Variants in IGF1R observed in about 807,000 individuals in gnomAD.
IGF1R encodes insulin like growth factor 1 receptor.
In IGF1R, 44 loss-of-function variants were observed where a neutral mutation model predicts 144.6. That is an observed-to-expected ratio of 0.30 (90% CI 0.24 to 0.39). The LOEUF is 0.39. IGF1R is among the 10% of genes least tolerant of loss of function. IGF1R has a pLI of 1.00. For synonymous variants in IGF1R, 795 were observed against 722.8 expected (o/e 1.10, Z -1.60); for missense variants, 1,355 against 1,833.7 (o/e 0.74, Z 4.77).
chr15:98,692,211 G>A (rs1384508599), intron 1 of IGF1R, among the ~76,000 whole-genome samples: 1 of 152,114 alleles, frequency 6.6e-6, no homozygotes, highest in Non-Finnish European at 1.5e-5. Flanking sequence ...GGTGGTGCTT[G>A]CTTTTGGTCC....
intron 2 of IGF1R, among the ~76,000 whole-genome samples, chr15:98,731,367 T>C (rs573492386): frequency 6.6e-6 from 1 of 152,334 alleles, no homozygotes; most frequent in East Asian, 1.9e-4. Flanking sequence ...CATCTATCCA[T>C]GTAATTATTA....
At chr15:98,837,860 A>C (rs750558016) in intron 2 of IGF1R, among the ~76,000 whole-genome samples, 1 of 152,162 alleles carries the variant, frequency 6.6e-6, no homozygotes, top group African/African-American at 2.4e-5. Context: ...CTTTCAAAGA[A>C]TGGAGATATC....
rs139761088 is a variant in IGF1R at position 98,930,560 on chromosome 15, G to A, written c.2956+255G>A. Among the ~76,000 whole-genome samples, 121 of 152,228 alleles carry A rather than the reference G, an allele frequency of 7.9e-4. 1 individual carries two copies. Among genetic ancestry groups the A allele is most frequent in the Admixed American group, 1.4e-3 (22 of 15,298 alleles). On this transcript the variant is annotated intron_variant, in intron 15 of 20. Coordinates refer to ENST00000650285, the MANE Select transcript of IGF1R (RefSeq NM_000875.5). ...AACACAGGCTTTAGAGATGAATGTG[G>A]CCAGCGCAGTAATCAATTTATTTAA... is the stretch of plus-strand genomic sequence containing the variant.
intron 2 of IGF1R, among the ~76,000 whole-genome samples, chr15:98,796,726 T>C (rs2056250979): frequency 6.6e-6 from 1 of 152,228 alleles, no homozygotes; most frequent in Admixed American, 6.5e-5. Flanking sequence ...TGTATTCTTA[T>C]ACATACACAC....
chr15:98,755,718 CAAAAAAAAAAAAAAAAAAAAAAA>C (rs56121011), intron 2 of IGF1R, among the ~76,000 whole-genome samples: 3 of 34,472 alleles, frequency 8.7e-5, no homozygotes, highest in South Asian at 1.5e-3. Context: ...AACTCCATTG[CAAAAAAAAAAAAAAAAAAAAAAA>C]AAAAAAAAAA....
At chr15:98,819,664 C>T (rs553057476) in intron 2 of IGF1R, among the ~76,000 whole-genome samples, 102 of 152,144 alleles carry the variant, frequency 6.7e-4, no homozygotes, top group Admixed American at 4.7e-3. Context: ...AATAAGCTTT[C>T]GTTTATGTGG....
chr15:98,781,126 TAAAG>T (rs773435018), intron 2 of IGF1R, among the ~76,000 whole-genome samples: 15 of 152,096 alleles, frequency 9.9e-5, no homozygotes, highest in Non-Finnish European at 1.6e-4. Flanking sequence ...TGTTTCAAAA[TAAAG>T]AAAAAGAGAT....
chr15:98,687,888 CT>C (rs34881904), intron 1 of IGF1R, among the ~76,000 whole-genome samples: 20,903 of 152,204 alleles, frequency 0.14, 2,975 homozygotes, highest in African/African-American at 0.36. Flanking sequence ...AGTTACTTAA[CT>C]TCCTTGCTGG....
At chr15:98,899,357 G>C (rs2014358785) in intron 4 of IGF1R, 120 bp from the exon 5 acceptor site, 4 of 967,194 alleles carry the variant, frequency 4.1e-6, no homozygotes, top group Admixed American at 1.9e-5. Flanking sequence ...CCAGTCCTGT[G>C]CTGGGAGCAT....
At chr15:98,654,817 T>C (rs1016152313) in intron 1 of IGF1R, among the ~76,000 whole-genome samples, 2 of 152,244 alleles carry the variant, frequency 1.3e-5, no homozygotes, top group African/African-American at 4.8e-5. Flanking sequence ...ATTTCCAGTC[T>C]GAGATGTTCT....
intron 13 of IGF1R, among the ~76,000 whole-genome samples, chr15:98,929,194 C>G (rs892925923): frequency 6.6e-6 from 1 of 151,942 alleles, no homozygotes; most frequent in African/African-American, 2.4e-5. Flanking sequence ...TGGACCAAAC[C>G]CTGGAACATT....
chr15:98,945,309 G>A (rs780553444), intron 19 of IGF1R, among the ~76,000 whole-genome samples: 2 of 152,224 alleles, frequency 1.3e-5, no homozygotes, highest in Non-Finnish European at 2.9e-5. Flanking sequence ...GGATTTCTCT[G>A]TAGGTTTTAA....
At position 98,707,758 on chromosome 15, in the gene IGF1R, A is replaced by G. The variant is rs778706849; in HGVS notation, c.291A>G (p.Gly97=). The G allele has an allele frequency of 1.9e-6, 3 of 1,614,018 alleles. No homozygotes were observed. The highest frequency in any genetic ancestry group is 2.5e-6 in the Non-Finnish European group (3 of 1,180,018). Residue 97 remains glycine (G), a synonymous_variant, in exon 2 of 21, where the codon GGA becomes GGG. Transcript: ENST00000650285. The surrounding 1 kb of genome is among the most constrained non-coding windows in gnomAD (Gnocchi z 6.7). ...GAGTGGCTGGCCTCGAGAGCCTCGGAGACCTCTTCCCCAACCTCACGGTCA... is the reference window on the plus strand; with the variant it reads ...GAGTGGCTGGCCTCGAGAGCCTCGGGGACCTCTTCCCCAACCTCACGGTCA... ...LFRVAGLESL[G]DLFPNLTVIR...
intron 2 of IGF1R, among the ~76,000 whole-genome samples, chr15:98,839,025 G>A (rs1259809803): frequency 6.6e-6 from 1 of 152,216 alleles, no homozygotes; most frequent in Non-Finnish European, 1.5e-5. Context: ...GAGGCCACTG[G>A]GTTTCACAAA....
intron 2 of IGF1R, among the ~76,000 whole-genome samples, chr15:98,775,249 T>C (rs72769846): frequency 0.12 from 18,810 of 151,992 alleles, 1,275 homozygotes; most frequent in Middle Eastern, 0.2. Flanking sequence ...ACATGGAAGG[T>C]GCCTTTTGTG....
chr15:98,869,014 G>T (rs1596377140), intron 2 of IGF1R, among the ~76,000 whole-genome samples: 2 of 152,140 alleles, frequency 1.3e-5, no homozygotes, highest in Non-Finnish European at 2.9e-5. Context: ...GGGGAAACCT[G>T]CAAAGAAATG....
In IGF1R at chr15:98,891,348, C is replaced by A. The variant is rs70958401; in HGVS notation, c.664C>A (p.Arg222=). ...AGTGTGCCCAAGCACGTGTGGGAAG[C>A]GGGCGTGCACCGAGAACAATGAGTG... The part of the protein sequence containing the change: ...QKMCPSTCGK[R]ACTENNECCH... Residue 222 remains arginine, a synonymous_variant, in exon 3 of 21, where the codon CGG becomes AGG. Coordinates refer to ENST00000650285, the MANE Select transcript of IGF1R (RefSeq NM_000875.5). The surrounding 1 kb of genome is among the most constrained non-coding windows in gnomAD (Gnocchi z 4.7). 5.6e-6 allele frequency: 9 copies of A among 1,607,040 alleles called. No homozygotes were observed. In the South Asian group the frequency reaches 9.9e-5, roughly 18 times the overall value.
At chr15:98,778,115 A>G (rs1202203221) in intron 2 of IGF1R, among the ~76,000 whole-genome samples, 6 of 152,182 alleles carry the variant, frequency 3.9e-5, no homozygotes, top group Admixed American at 3.9e-4. Context: ...ATAGGTAATT[A>G]TGTCCTGAGA....
At position 98,896,795 on chromosome 15, in the gene IGF1R, T is replaced by C. The variant is rs2151652336; in HGVS notation, c.992T>C (p.Val331Ala). 6.2e-7 allele frequency: 1 copy of C among 1,614,048 alleles called. No individual in the cohort carries two copies. The highest frequency in any genetic ancestry group is 8.5e-7 in the Non-Finnish European group (1 of 1,179,996). ...CIPCEGPCPK[V>A]CEEEKKTKTI... Reference sequence around the variant, plus strand: ...CCTTGTGAAGGTCCTTGCCCGAAGGTCTGTGAGGAAGAAAAGAAAACAAAG... The same window carrying C: ...CCTTGTGAAGGTCCTTGCCCGAAGGCCTGTGAGGAAGAAAAGAAAACAAAG... The change falls in exon 4 of 21, where the codon GTC (valine) becomes GCC (alanine). Residue 331 changes from valine (V) to alanine (A), a missense_variant. By Grantham distance (64) the Val-to-Ala change is moderately conservative. Around this residue, in one of 7 missense-constraint regions of IGF1R, gnomAD observed 880 missense variants for 1,202.7 expected, o/e 0.73. Transcript: ENST00000650285.
Sources: gnomAD v4.1 joint callset for allele counts (sites outside exome capture counted in the v4.1 genomes callset) on GRCh38, gnomAD v4.1.1 for gene constraint, gnomAD v4.1.1 regional missense constraint, Gnocchi (gnomAD v3.1) non-coding constraint, MANE v1.5 for transcripts, NCBI Gene and HGNC (gene_info 2026-07-23, HGNC 2026-07-21) for gene names.